Variants in ST3GAL2 observed in about 807,000 individuals in gnomAD.
The protein encoded by ST3GAL2 is ST3 beta-galactoside alpha-2,3-sialyltransferase 2, also known as CMP-N-acetylneuraminate-beta-galactosamide-alpha-2,3-sialyltransferase 2.
In ST3GAL2, 16 loss-of-function variants were observed where a neutral mutation model predicts 37.5. The observed-to-expected ratio is 0.43, with a 90% confidence interval of 0.29 to 0.65. ST3GAL2 has a LOEUF of 0.65. Among genes scored for constraint, ST3GAL2 ranks in the 30% least tolerant of loss-of-function variants. The pLI is 0.17. For missense variants in ST3GAL2, 383 were observed against 487.8 expected, an observed-to-expected ratio of 0.79 and a Z score of 2.02; for synonymous variants, 238 against 202.9, an observed-to-expected ratio of 1.17 and a Z score of -1.47.
In ST3GAL2 at chr16:70,422,479, G is replaced by C. The variant is rs1034528727; in HGVS notation, c.-1004+16470C>G. 2.0e-5 allele frequency among the ~76,000 whole-genome samples: 3 copies of C among 152,158 alleles called. No homozygotes were observed. In the East Asian group the frequency reaches 5.8e-4, roughly 29 times the overall value. On this transcript the variant is annotated intron_variant, in intron 1 of 6. Transcript: ENST00000342907. ...AGGAGAAGCAGACAGGTCAGTCTGG[G>C]CTGGCAGACAGTTCGGGAGAGAAAT...
chr16:70,416,943 G>A (rs946222730), intron 1 of ST3GAL2, among the ~76,000 whole-genome samples: 1 of 152,216 alleles, frequency 6.6e-6, no homozygotes, highest in Non-Finnish European at 1.5e-5. Context: ...ACCGCAAGCT[G>A]CAGTCCTCCC....
chr16:70,434,374 T>C (rs1454155605), intron 1 of ST3GAL2, among the ~76,000 whole-genome samples: 1 of 149,652 alleles, frequency 6.7e-6, no homozygotes, highest in Non-Finnish European at 1.5e-5. Context: ...GAGTCAGAGG[T>C]TGCAGTGAGC....
chr16:70,385,431 T>C (rs2047435553), intron 4 of ST3GAL2, among the ~76,000 whole-genome samples: 1 of 152,148 alleles, frequency 6.6e-6, no homozygotes, highest in Non-Finnish European at 1.5e-5. Flanking sequence ...TTTGGGATAA[T>C]GAAAACGTTC....
intron 4 of ST3GAL2, among the ~76,000 whole-genome samples, chr16:70,385,197 C>T (rs375207549): frequency 6.6e-6 from 1 of 151,656 alleles, no homozygotes; most frequent in Admixed American, 6.6e-5. Flanking sequence ...CTCAGCTACT[C>T]GGGAGGCTGA....
chr16:70,431,985 A>ATATATTT (rs1454729972), intron 1 of ST3GAL2, among the ~76,000 whole-genome samples: 7 of 139,056 alleles, frequency 5.0e-5, no homozygotes, highest in African/African-American at 2.2e-4. Flanking sequence ...ATATATATAT[A>ATATATTT]TTTTTTTTTA....
intron 1 of ST3GAL2, among the ~76,000 whole-genome samples, chr16:70,437,402 C>T (rs1312787203): frequency 6.6e-6 from 1 of 152,066 alleles, no homozygotes; most frequent in Non-Finnish European, 1.5e-5. Flanking sequence ...CCTTCAGGAA[C>T]CCACATAACT....
At position 70,381,378 on chromosome 16, in the gene ST3GAL2, A is replaced by G. The variant is rs1275937250; in HGVS notation, c.*311T>C. The G allele has an allele frequency of 3.2e-6, 1 of 312,716 alleles. No individual in the cohort carries two copies. The highest frequency in any genetic ancestry group is 6.0e-6 in the Non-Finnish European group (1 of 166,306). 19.4% of individuals were successfully genotyped at this position (312,716 alleles called of 1,614,324 possible). A position where few individuals can be genotyped will look rare whatever the true frequency, so the allele number is the denominator to read the frequency against. ...CTCAGAAAGCGTGAAAGAAAACCCT[A>G]ACCCAAAGCATGAGGGAGTGGGGAT... On this transcript the variant is annotated 3_prime_UTR_variant, in exon 7 of 7. Transcript: ENST00000342907.
rs1486477850 is a variant in ST3GAL2, at chr16:70,420,147, C to T, written c.-1004+18802G>A. Reference sequence around the variant, plus strand: ...TTCAAACTTCCATCAACTAGGCCAACTTCTTATCAGTTTCTATTCTTGTGG... The same window carrying T: ...TTCAAACTTCCATCAACTAGGCCAATTTCTTATCAGTTTCTATTCTTGTGG... On this transcript the variant is annotated intron_variant, in intron 1 of 6. Transcript: ENST00000342907. Among the ~76,000 whole-genome samples the T allele has an allele frequency of 1.3e-4, 20 of 151,250 alleles. No individual in the cohort carries two copies. The Admixed American group carries it at 1.3e-3, about 10-fold the overall frequency.
At chr16:70,383,132 G>A in intron 5 of ST3GAL2, 58 bp downstream of exon 5, 2 of 1,601,618 alleles carry the variant, frequency 1.2e-6, no homozygotes, top group Middle Eastern at 1.7e-4. Flanking sequence ...ACAGGACCAG[G>A]CACACAGGCT....
At chr16:70,410,808 G>GGTT (rs2047632654) in intron 1 of ST3GAL2, among the ~76,000 whole-genome samples, 1 of 103,216 alleles carries the variant, frequency 9.7e-6, no homozygotes, top group Non-Finnish European at 1.9e-5. Flanking sequence ...TTTAGATCCT[G>GGTT]TTTTTTTTTT....
chr16:70,436,431 AC>A lies in ST3GAL2; in HGVS notation c.-1004+2517del, dbSNP rs2047825776. ...ATGCCACTGCACTCCAGCCTGGGCA[AC>A]AGAGTGAGACTTCGTCTCAAAAAAA... On this transcript the variant is annotated intron_variant, in intron 1 of 6. Coordinates refer to ENST00000342907, the MANE Select transcript of ST3GAL2 (RefSeq NM_006927.4). Among the ~76,000 whole-genome samples, 3 of 150,412 alleles carry A rather than the reference AC, an allele frequency of 2.0e-5. No individual in the cohort carries two copies. In the South Asian group the frequency reaches 6.4e-4, roughly 32 times the overall value.
At chr16:70,408,463 CAA>C (rs1168010837) in intron 1 of ST3GAL2, among the ~76,000 whole-genome samples, 1 of 152,016 alleles carries the variant, frequency 6.6e-6, no homozygotes, top group African/African-American at 2.4e-5. Context: ...CCCAACAACT[CAA>C]AAGCAGCGAG....
intron 3 of ST3GAL2, among the ~76,000 whole-genome samples, chr16:70,391,519 A>G (rs932800952): frequency 2.0e-5 from 3 of 152,166 alleles, no homozygotes; most frequent in Admixed American, 6.6e-5. Flanking sequence ...GTGGGCTGCT[A>G]AACTCCCCAT....
intron 4 of ST3GAL2, among the ~76,000 whole-genome samples, chr16:70,387,426 GT>G (rs1273883856): frequency 6.6e-6 from 1 of 151,740 alleles, no homozygotes; most frequent in East Asian, 1.9e-4. Context: ...ATGGTGACAT[GT>G]GCCTGTAATC....
At chr16:70,411,690 A>G (rs2047639436) in intron 1 of ST3GAL2, among the ~76,000 whole-genome samples, 1 of 152,028 alleles carries the variant, frequency 6.6e-6, no homozygotes, top group Non-Finnish European at 1.5e-5. Context: ...TTGCATCCTA[A>G]TATATTGTTA....
intron 1 of ST3GAL2, among the ~76,000 whole-genome samples, chr16:70,417,118 C>T (rs1325862295): frequency 6.6e-6 from 1 of 152,192 alleles, no homozygotes; most frequent in Non-Finnish European, 1.5e-5. Flanking sequence ...GGAATAGCAC[C>T]CATCTCGAAG....
Position 70,388,914 on chromosome 16 carries a change from A to G in ST3GAL2, c.534-368T>C, listed in dbSNP as rs183853922. 1.3e-3 allele frequency among the ~76,000 whole-genome samples: 199 copies of G among 150,624 alleles called. 6 individuals carry two copies. The highest frequency in any genetic ancestry group is 4.4e-3 in the African/African-American group (181 of 41,006). ...CCCCATCTTTACTAAAAAAAAAAAA[A>G]CAAATATAAAATTAGCTGGGCGTGG... is the stretch of plus-strand genomic sequence containing the variant. On this transcript the variant is annotated intron_variant, in intron 3 of 6. Coordinates refer to ENST00000342907, the MANE Select transcript of ST3GAL2 (RefSeq NM_006927.4).
In ST3GAL2 at chr16:70,397,178, T is replaced by C. The variant is rs565234889; in HGVS notation, c.339+1014A>G. Among the ~76,000 whole-genome samples, 13 of 151,212 alleles carry C rather than the reference T, an allele frequency of 8.6e-5. No individual in the cohort carries two copies. The South Asian group carries it at 2.1e-3, about 24-fold the overall frequency. ...GCCTCAGCCTCCTGAGTAGCTGGGA[T>C]TACAGGCACGCACCACCATGCCTGG... On this transcript the variant is annotated intron_variant, in intron 2 of 6. Transcript: ENST00000342907.
At chr16:70,388,651 T>C in intron 3 of ST3GAL2, 105 bp from the exon 4 acceptor site, 9 of 1,256,362 alleles carry the variant, frequency 7.2e-6, no homozygotes, top group Non-Finnish European at 8.7e-6. Context: ...AACGGGTGTA[T>C]ACTCCAACCT....
Sources: allele counts gnomAD v4.1 joint callset (sites outside exome capture counted in the v4.1 genomes callset), GRCh38; gene constraint gnomAD v4.1.1; transcripts MANE v1.5; gene names NCBI Gene and HGNC (gene_info 2026-07-23, HGNC 2026-07-21).